COMMD10: variants seen among roughly 807,000 people sequenced by gnomAD.
COMMD10 encodes COMM domain-containing protein 10.
In COMMD10, 33 loss-of-function variants were observed where a neutral mutation model predicts 28.9. The ratio of observed to expected loss-of-function variants is 1.14; its 90% CI spans 0.87 to 1.53. The LOEUF (loss-of-function observed/expected upper bound fraction) is 1.53, where lower values mean the gene tolerates loss of function less well. Ranked by LOEUF, COMMD10 falls within the 40% of genes most tolerant of loss-of-function variation. The pLI is 0.00. For missense variants in COMMD10, 310 were observed against 233.4 expected (o/e 1.33, Z -2.14); for synonymous variants, 110 against 81.7 (o/e 1.35, Z -1.87).
In COMMD10 at chr5:116,127,340, A is replaced by C. The variant is rs562672592; in HGVS notation, c.400-6728A>C. Reference sequence around the variant, plus strand: ...TACACCTTTGGTGGGAGTGTAAACTAGTTCAACCATCGTGGAAGACAGTGT... The same window carrying C: ...TACACCTTTGGTGGGAGTGTAAACTCGTTCAACCATCGTGGAAGACAGTGT... On this transcript the variant is annotated intron_variant, in intron 4 of 6. Transcript: ENST00000274458. 2.6e-5 allele frequency among the ~76,000 whole-genome samples: 4 copies of C among 152,352 alleles called. No homozygotes were observed. The South Asian group carries it at 8.3e-4, about 32-fold the overall frequency.
Position 116,291,103 on chromosome 5 carries a change from T to G in COMMD10, c.511-414T>G, listed in dbSNP as rs781252245. ...CTTGGAGGCAGTAGCTGTGCTGATG[T>G]GAGGCATTAATGGCTGGGTGAGTTC... On this transcript the variant is annotated intron_variant, in intron 5 of 6. Transcript: ENST00000274458. 2.1e-4 allele frequency among the ~76,000 whole-genome samples: 32 copies of G among 152,184 alleles called. 1 individual carries two copies. Among genetic ancestry groups the G allele is most frequent in the Non-Finnish European group, 2.5e-4 (17 of 68,030 alleles).
intron 5 of COMMD10, among the ~76,000 whole-genome samples, chr5:116,243,235 A>G (rs17139272): frequency 0.053 from 8,066 of 152,218 alleles, 298 homozygotes; most frequent in African/African-American, 0.11. Context: ...AGTTCTTTTT[A>G]AGACCACCAG....
At position 116,292,725 on chromosome 5, in the gene COMMD10, T is replaced by A; in HGVS notation, c.*236T>A. On this transcript the variant is annotated 3_prime_UTR_variant, in exon 7 of 7. Transcript: ENST00000274458. ...CAGTAATTATTAAGAACACTTTCCC[T>A]TTAAAGGAAACAAAAGTGAATACCA... 1 of 418,000 alleles carries A rather than the reference T, an allele frequency of 2.4e-6. No individual in the cohort carries two copies. The allele number at this position is 418,000 out of a possible 1,614,324, so 25.9% of individuals were successfully genotyped here.
chr5:116,253,475 A>C (rs2112676546), intron 5 of COMMD10, among the ~76,000 whole-genome samples: 1 of 150,642 alleles, frequency 6.6e-6, no homozygotes. Flanking sequence ...TGTCCCATCA[A>C]TACCTAATTT....
At chr5:116,219,211 T>C (rs946851729) in intron 5 of COMMD10, among the ~76,000 whole-genome samples, 3 of 138,008 alleles carry the variant, frequency 2.2e-5, no homozygotes, top group African/African-American at 7.4e-5. Flanking sequence ...AGGCTATTGT[T>C]GGTGGCTGTT....
intron 5 of COMMD10, among the ~76,000 whole-genome samples, chr5:116,171,123 TAAATA>T (rs1282414633): frequency 7.0e-6 from 1 of 142,032 alleles, no homozygotes; most frequent in Non-Finnish European, 1.5e-5. Flanking sequence ...ACAAATAACT[TAAATA>T]AATTTACATG....
At position 116,101,450 on chromosome 5, in the gene COMMD10, G is replaced by A. The variant is rs577859754; in HGVS notation, c.399+8750G>A. ...ATTTATTTATTTATTATTTTGAGAC[G>A]GAGTCTTGCTCTGTCACCCAGGCTG... On this transcript the variant is annotated intron_variant, in intron 4 of 6. Coordinates refer to ENST00000274458, the MANE Select transcript of COMMD10 (RefSeq NM_016144.4). Among the ~76,000 whole-genome samples the A allele has an allele frequency of 1.3e-3, 198 of 150,588 alleles. 2 individuals carry two copies. The highest frequency in any genetic ancestry group is 6.9e-3 in the Middle Eastern group (2 of 290).
At chr5:116,205,748 T>C (rs1463835557) in intron 5 of COMMD10, among the ~76,000 whole-genome samples, 1 of 152,158 alleles carries the variant, frequency 6.6e-6, no homozygotes, top group African/African-American at 2.4e-5. Flanking sequence ...TTTTAAGAAA[T>C]AAGTTGTTAT....
At chr5:116,232,037 T>C (rs1326315451) in intron 5 of COMMD10, among the ~76,000 whole-genome samples, 1 of 152,168 alleles carries the variant, frequency 6.6e-6, no homozygotes, top group Non-Finnish European at 1.5e-5. Flanking sequence ...AGAGCCACTT[T>C]ACACTGAACT....
chr5:116,267,131 C>T (rs539546566), intron 5 of COMMD10, among the ~76,000 whole-genome samples: 3 of 151,854 alleles, frequency 2.0e-5, no homozygotes, highest in South Asian at 4.2e-4. Context: ...AAAGGGTAGT[C>T]AATTAGGAAA....
intron 4 of COMMD10, among the ~76,000 whole-genome samples, chr5:116,129,729 C>T (rs1389300957): frequency 4.2e-5 from 2 of 47,390 alleles, no homozygotes; most frequent in Non-Finnish European, 8.7e-5. Flanking sequence ...ATACTATATA[C>T]TATGTGATAT....
chr5:116,188,587 CTTTCT>C (rs1748225956), intron 5 of COMMD10: 2 of 150,528 alleles, frequency 1.3e-5, no homozygotes, highest in African/African-American at 4.9e-5. Context: ...TTCTTTCTTT[CTTTCT>C]TTTCTTCTTT....
intron 2 of COMMD10, among the ~76,000 whole-genome samples, chr5:116,089,379 A>G (rs750750472): frequency 2.0e-5 from 3 of 152,228 alleles, no homozygotes; most frequent in Non-Finnish European, 4.4e-5. Context: ...CTCAGGAAAG[A>G]GTATGGAACA....
intron 5 of COMMD10, among the ~76,000 whole-genome samples, chr5:116,248,995 T>A (rs886255936): frequency 5.3e-5 from 8 of 152,124 alleles, no homozygotes; most frequent in African/African-American, 1.9e-4. Context: ...GTGCCCATTA[T>A]TATACTTTTA....
intron 5 of COMMD10, among the ~76,000 whole-genome samples, chr5:116,270,634 A>C (rs367832606): frequency 6.6e-6 from 1 of 151,818 alleles, no homozygotes; most frequent in African/African-American, 2.4e-5. Flanking sequence ...TTCCCATTAT[A>C]TAAAGGTTAT....
intron 5 of COMMD10, among the ~76,000 whole-genome samples, chr5:116,258,913 G>A (rs73261010): frequency 0.017 from 2,550 of 151,270 alleles, 126 homozygotes; most frequent in African/African-American, 0.059. Context: ...ACTCAGTTCC[G>A]TTTTATTCTT....
At chr5:116,097,018 A>G (rs1389276071) in intron 4 of COMMD10, among the ~76,000 whole-genome samples, 1 of 151,858 alleles carries the variant, frequency 6.6e-6, no homozygotes, top group Non-Finnish European at 1.5e-5. Flanking sequence ...AATTAAAAAT[A>G]TTTTTGTTTT....
At chr5:116,170,571 C>T (rs1170540854) in intron 5 of COMMD10, among the ~76,000 whole-genome samples, 1 of 152,126 alleles carries the variant, frequency 6.6e-6, no homozygotes, top group Non-Finnish European at 1.5e-5. Flanking sequence ...CATCACACTA[C>T]CTAACTTAAA....
chr5:116,129,545 ATACTAAT>A (rs1316520841), intron 4 of COMMD10, among the ~76,000 whole-genome samples: 11 of 68 alleles, frequency 0.16, 3 homozygotes, highest in African/African-American at 0.39. Context: ...TATATACTAT[ATACTAAT>A]GTAATATACA....
Sources: allele counts gnomAD v4.1 joint callset (sites outside exome capture counted in the v4.1 genomes callset), GRCh38; gene constraint gnomAD v4.1.1; transcripts MANE v1.5; gene names NCBI Gene and HGNC (gene_info 2026-07-23, HGNC 2026-07-21).